Variants in NLRP5 observed in about 807,000 individuals in gnomAD.
NLRP5 encodes the protein NACHT, LRR and PYD domains-containing protein 5.
NLRP5 carries 93 observed loss-of-function variants against 113.1 expected under a neutral mutation model. That is an observed-to-expected ratio of 0.82 (90% CI 0.70 to 0.98). The LOEUF is 0.98. Among genes scored for constraint, NLRP5 ranks in the 50% least tolerant of loss-of-function variants. The pLI, the probability that NLRP5 is intolerant of heterozygous loss-of-function variation, is 0.00. For missense variants in NLRP5, 1,808 were observed against 1,514.3 expected (o/e 1.19, Z -3.22); for synonymous variants, 751 against 600.7 (o/e 1.25, Z -3.66).
At chr19:56,037,446 G>C (rs1983358215) in intron 9 of NLRP5, among the ~76,000 whole-genome samples, 1 of 152,092 alleles carries the variant, frequency 6.6e-6, no homozygotes, top group Admixed American at 6.6e-5. Flanking sequence ...CTGTAATCCA[G>C]TGCTTTGGGA....
chr19:56,009,516 A>G (rs757556740), intron 3 of NLRP5, among the ~76,000 whole-genome samples: 4 of 151,990 alleles, frequency 2.6e-5, no homozygotes, highest in Non-Finnish European at 4.4e-5. Flanking sequence ...ATTCAATACA[A>G]TTCCCCAAAC....
chr19:56,005,060 C>T (rs1036716108), intron 2 of NLRP5, among the ~76,000 whole-genome samples: 1 of 146,448 alleles, frequency 6.8e-6, no homozygotes, highest in Non-Finnish European at 1.5e-5. Context: ...TGCCACTGCA[C>T]TCCAGCCTGG....
chr19:56,057,191 T>C (rs1257241678), intron 13 of NLRP5, among the ~76,000 whole-genome samples: 1 of 152,192 alleles, frequency 6.6e-6, no homozygotes, highest in Non-Finnish European at 1.5e-5. Flanking sequence ...GTAAAACCTA[T>C]ATACCCACCA....
At chr19:55,997,495 A>G (rs1407508912), upstream of NLRP5, among the ~76,000 whole-genome samples, 1 of 152,102 alleles carries the variant, frequency 6.6e-6, no homozygotes, top group Non-Finnish European at 1.5e-5. Context: ...CTCCCCTTCA[A>G]TTCTCGGAAT....
At chr19:56,031,679 C>G (rs187979314) in intron 7 of NLRP5, among the ~76,000 whole-genome samples, 12 of 151,710 alleles carry the variant, frequency 7.9e-5, no homozygotes, top group Non-Finnish European at 2.9e-5. Flanking sequence ...CAGTATTTGT[C>G]CTTTTGTGAC....
chr19:55,988,444 G>GTGTA, the NLRP5 span: 1 of 106,496 alleles, frequency 9.4e-6, no homozygotes, highest in African/African-American at 3.8e-5. Flanking sequence ...ATGTGTGTGT[G>GTGTA]TATATATATA....
At chr19:55,990,704 A>G in the NLRP5 span, among the ~76,000 whole-genome samples, 2 of 152,076 alleles carry the variant, frequency 1.3e-5, no homozygotes, top group African/African-American at 4.8e-5. Flanking sequence ...GGGCGCCTGT[A>G]GTCCCAGCTA....
At chr19:56,029,850 T>C (rs1983024891) in intron 7 of NLRP5, among the ~76,000 whole-genome samples, 2 of 148,878 alleles carry the variant, frequency 1.3e-5, no homozygotes, top group African/African-American at 5.0e-5. Flanking sequence ...AGGTCAGGAG[T>C]TCGAGACCAG....
Position 56,053,764 on chromosome 19 carries a change from G to A in NLRP5, c.3255G>A (p.Leu1085=). The change falls in exon 13 of 15, where the codon CTG becomes CTA. Residue 1085 remains leucine (L), a synonymous_variant. Coordinates refer to ENST00000390649, the MANE Select transcript of NLRP5 (RefSeq NM_153447.4). ...TGGGTGACGGTGGGGTTGCTGCGCTGTGCGAGGGACTGAAGCAAAAGAACA... is the reference window on the plus strand; with the variant it reads ...TGGGTGACGGTGGGGTTGCTGCGCTATGCGAGGGACTGAAGCAAAAGAACA... 1 of 1,613,946 alleles carries A rather than the reference G, an allele frequency of 6.2e-7. No individual in the cohort carries two copies. The highest frequency in any genetic ancestry group is 8.5e-7 in the Non-Finnish European group (1 of 1,179,872).
intron 2 of NLRP5, 21 bp from the exon 3 acceptor site, chr19:56,008,767 C>T: frequency 1.3e-6 from 2 of 1,596,056 alleles, no homozygotes; most frequent in Non-Finnish European, 1.7e-6. Context: ...AGGCCAGTCT[C>T]CCTTTTTCTT....
Position 56,003,869 on chromosome 19 carries a change from A to G in NLRP5, c.216A>G (p.Leu72=), listed in dbSNP as rs1599876257. Residue 72 remains leucine (L), a synonymous_variant, in exon 2 of 15, where the codon CTA becomes CTG. Transcript: ENST00000390649. Reference sequence around the variant, plus strand: ...GGCTGCAATGGTGTCTCTATGAGCTAGACAAGGAAGAATTTCAGACATTCA... The same window carrying G: ...GGCTGCAATGGTGTCTCTATGAGCTGGACAAGGAAGAATTTCAGACATTCA... 2 of 1,613,898 alleles carry G rather than the reference A, an allele frequency of 1.2e-6. No homozygotes were observed. The highest frequency in any genetic ancestry group is 1.3e-5 in the African/African-American group (1 of 74,934).
At chr19:56,004,772 T>C (rs2123268595) in intron 2 of NLRP5, among the ~76,000 whole-genome samples, 1 of 152,182 alleles carries the variant, frequency 6.6e-6, no homozygotes, top group East Asian at 1.9e-4. Flanking sequence ...ACAAATCCCT[T>C]GACTGAGCCC....
At chr19:56,015,898 C>T (rs541388555) in intron 4 of NLRP5, 100 bp downstream of exon 4, 6 of 844,066 alleles carry the variant, frequency 7.1e-6, no homozygotes, top group African/African-American at 6.8e-5. Context: ...CTTTCCCTTT[C>T]TTCATCCTCA....
intron 7 of NLRP5, among the ~76,000 whole-genome samples, chr19:56,032,041 A>G (rs1162101126): frequency 6.6e-6 from 1 of 152,066 alleles, no homozygotes; most frequent in Non-Finnish European, 1.5e-5. Context: ...GCTGGAATTG[A>G]AGCAAAGATC....
At chr19:56,037,952 G>A (rs1029094032) in intron 9 of NLRP5, 73 bp from the exon 10 acceptor site, 24 of 1,498,004 alleles carry the variant, frequency 1.6e-5, no homozygotes, top group Middle Eastern at 2.2e-4. Context: ...CGCTGCTGGC[G>A]TGTGCTGAGT....
intron 2 of NLRP5, among the ~76,000 whole-genome samples, chr19:56,005,531 C>G (rs531713406): frequency 8.3e-6 from 1 of 120,566 alleles, no homozygotes; most frequent in Non-Finnish European, 1.7e-5. Flanking sequence ...TACACACACA[C>G]GCACACACGC....
At chr19:55,987,342 C>T in the NLRP5 span, among the ~76,000 whole-genome samples, 1 of 152,204 alleles carries the variant, frequency 6.6e-6, no homozygotes, top group Non-Finnish European at 1.5e-5. Flanking sequence ...TGCACTCCAG[C>T]GTGGGTGACA....
the NLRP5 span, among the ~76,000 whole-genome samples, chr19:55,989,468 G>C: frequency 6.6e-6 from 1 of 152,302 alleles, no homozygotes; most frequent in Admixed American, 6.5e-5. Context: ...GGCCGGGCTG[G>C]TCTCGAACTC....
At chr19:56,061,178 G>A (rs1459636968) in intron 14 of NLRP5, among the ~76,000 whole-genome samples, 1 of 152,176 alleles carries the variant, frequency 6.6e-6, no homozygotes, top group Non-Finnish European at 1.5e-5. Flanking sequence ...TTTCATAAGT[G>A]GAGGGGGAGT....
Sources: gnomAD v4.1 joint callset for allele counts (sites outside exome capture counted in the v4.1 genomes callset) on GRCh38, gnomAD v4.1.1 for gene constraint, MANE v1.5 for transcripts, NCBI Gene and HGNC (gene_info 2026-07-23, HGNC 2026-07-21) for gene names.